The following NID2 variants were observed in gnomAD, a reference collection of about 807,000 sequenced individuals.
The protein encoded by NID2 is nidogen 2, also known as nidogen-2.
A neutral mutation model predicts 145.4 loss-of-function variants in NID2; 83 were observed. The ratio of observed to expected loss-of-function variants is 0.57; its 90% CI spans 0.48 to 0.69. NID2 has a LOEUF of 0.69. Ranked by LOEUF, NID2 falls within the 30% of genes least tolerant of loss-of-function variation. The probability of loss-of-function intolerance (pLI) is 0.00; values close to 1 mark genes in which losing one functional copy is unlikely to be tolerated. For missense variants in NID2, 1,807 were observed against 1,765.7 expected (o/e 1.02, Z -0.42); for synonymous variants, 739 against 701.3 (o/e 1.05, Z -0.85).
At position 52,038,871 on chromosome 14, in the gene NID2, G is replaced by A. The variant is rs17853446; in HGVS notation, c.2133C>T (p.His711=). ...TGGGGAAGGACGGGTGTCTGGGGGC[G>A]TGCCTGCACACCTGGTAAGTGATGT... ...HQNITYQVCR[H]APRHPSFPTT... The change falls in exon 9 of 22, where the codon CAC becomes CAT. Residue 711 remains histidine, a synonymous_variant. Transcript: ENST00000216286. 0.025 allele frequency: 40,298 copies of A among 1,614,022 alleles called. 968 individuals carry two copies. Among genetic ancestry groups the A allele is most frequent in the South Asian group, 0.097 (8,848 of 91,042 alleles).
intron 5 of NID2, among the ~76,000 whole-genome samples, chr14:52,052,252 C>T (rs918189106): frequency 6.6e-6 from 1 of 152,132 alleles, no homozygotes; most frequent in African/African-American, 2.4e-5. Flanking sequence ...AAATGTGGTC[C>T]CTTAGGCACA....
At chr14:52,026,021 T>C (rs1284859055) in intron 12 of NID2, among the ~76,000 whole-genome samples, 6 of 152,112 alleles carry the variant, frequency 3.9e-5, no homozygotes, top group African/African-American at 1.4e-4. Context: ...ACAGCACAAG[T>C]GGAAAGAGTA....
rs201188347 is a variant in NID2 at position 52,019,159 on chromosome 14, C to G, written c.2930G>C (p.Ser977Thr). ...GNFLPLQCHG[S>T]TGFCWCVDPD... ...GTCCACGCACCAGCAGAAACCAGTG[C>G]TGCCATGACACTGTAGGGGCAGGAA... Residue 977 changes from serine (S) to threonine (T), a missense_variant, in exon 14 of 22, where the codon AGC becomes ACC. By Grantham distance (58) the Ser-to-Thr change is moderately conservative (BLOSUM62 1). Transcript: ENST00000216286. 9.3e-6 allele frequency: 15 copies of G among 1,614,158 alleles called. No individual in the cohort carries two copies. The African/African-American group carries it at 2.0e-4, about 22-fold the overall frequency.
chr14:52,027,197 T>C lies in NID2; in HGVS notation c.2674+4A>G, dbSNP rs760968992. 9.4e-6 allele frequency: 14 copies of C among 1,492,844 alleles called. No homozygotes were observed. The highest frequency in any genetic ancestry group is 1.1e-5 in the Non-Finnish European group (12 of 1,117,972). The allele number at this position is 1,492,844 out of a possible 1,614,324, so 92.5% of individuals were successfully genotyped here. A position where few individuals can be genotyped will look rare whatever the true frequency, so the allele number is the denominator to read the frequency against. On this transcript the variant is annotated splice_donor_region_variant and intron_variant, in intron 12 of 21. Coordinates refer to ENST00000216286, the MANE Select transcript of NID2 (RefSeq NM_007361.4). Reference sequence around the variant, plus strand: ...GTCATTGAGGCTGACCTGCAGTTACTCACCAGTGCACTGGTGCCCATCGCC... The same window carrying C: ...GTCATTGAGGCTGACCTGCAGTTACCCACCAGTGCACTGGTGCCCATCGCC...
Position 52,060,223 on chromosome 14 carries a change from G to A in NID2, c.668C>T (p.Ala223Val). 6.2e-7 allele frequency: 1 copy of A among 1,614,076 alleles called. No homozygotes were observed. The highest frequency in any genetic ancestry group is 1.1e-5 in the South Asian group (1 of 91,070). ...ESYNVQLQLP[A>V]RVGFCRGEAD... ...CTCCCCTCGGCAGAAGCCCACCCGA[G>A]CTGGAAGCTGAAGCTGGACATTGTA... The change falls in exon 3 of 22, where the codon GCT (alanine) becomes GTT (valine). Residue 223 changes from alanine (A) to valine (V), a missense_variant. Transcript: ENST00000216286.
Position 52,035,812 on chromosome 14 carries a change from G to A in NID2, c.2257+2935C>T, listed in dbSNP as rs193051265. ...TCCTGTTTCAGCCTCCTGAGTAGCTGGGACTACAGACACATGCCACCACAC... is the reference window on the plus strand; with the variant it reads ...TCCTGTTTCAGCCTCCTGAGTAGCTAGGACTACAGACACATGCCACCACAC... On this transcript the variant is annotated intron_variant, in intron 9 of 21. Transcript: ENST00000216286. Among the ~76,000 whole-genome samples, 13 of 143,834 alleles carry A rather than the reference G, an allele frequency of 9.0e-5. No individual in the cohort carries two copies. In the Admixed American group the frequency reaches 9.2e-4, roughly 10 times the overall value. The allele number at this position is 143,834 out of a possible 152,430, so 94.4% of individuals were successfully genotyped here. A position where few individuals can be genotyped will look rare whatever the true frequency, so the allele number is the denominator to read the frequency against.
At chr14:52,047,783 G>T (rs936432436) in intron 5 of NID2, among the ~76,000 whole-genome samples, 1 of 152,140 alleles carries the variant, frequency 6.6e-6, no homozygotes, top group Admixed American at 6.5e-5. Context: ...TCTGACAACA[G>T]CATGAGGCAT....
At chr14:52,032,955 C>T (rs73286397) in intron 9 of NID2, among the ~76,000 whole-genome samples, 1 of 152,060 alleles carries the variant, frequency 6.6e-6, no homozygotes, top group East Asian at 1.9e-4. Flanking sequence ...TTTGCAATCC[C>T]CAGTGCAAAA....
rs1425455925 is a variant in NID2, at chr14:52,053,574, C to T, written c.1429+5G>A. ...CCTTAGCACCCAGTTTTCTAATGCACTCACCCTCGGTGTTGGAACCTATGT... is the reference window on the plus strand; with the variant it reads ...CCTTAGCACCCAGTTTTCTAATGCATTCACCCTCGGTGTTGGAACCTATGT... On this transcript the variant is annotated splice_donor_5th_base_variant and intron_variant, in intron 5 of 21. Transcript: ENST00000216286. The T allele has an allele frequency of 1.9e-6, 3 of 1,607,868 alleles. No individual in the cohort carries two copies. Among genetic ancestry groups the T allele is most frequent in the Non-Finnish European group, 2.6e-6 (3 of 1,175,976 alleles).
intron 9 of NID2, among the ~76,000 whole-genome samples, chr14:52,036,002 C>G (rs1337371444): frequency 6.6e-6 from 1 of 151,802 alleles, no homozygotes; most frequent in African/African-American, 2.4e-5. Flanking sequence ...AGCCAGTATG[C>G]CTGGCCTTCA....
Position 52,054,268 on chromosome 14 carries a change from G to T in NID2, c.821C>A (p.Ser274Tyr). 3.1e-6 allele frequency: 5 copies of T among 1,614,172 alleles called. No homozygotes were observed. The highest frequency in any genetic ancestry group is 4.2e-6 in the Non-Finnish European group (5 of 1,180,024). ...GVWAFHIGST[S>Y]PLDNVRPAAV... ...AGCTGGCCTGACATTGTCCAACGGG[G>T]AAGTGCTGCCGATATGGAAAGCCCA... Residue 274 changes from serine (S) to tyrosine (Y), a missense_variant, in exon 4 of 22, where the codon TCC (serine) becomes TAC (tyrosine). Transcript: ENST00000216286.
chr14:52,028,572 C>A, intron 11 of NID2, 150 bp downstream of exon 11: 1 of 865,336 alleles, frequency 1.2e-6, no homozygotes, highest in Non-Finnish European at 1.7e-6. Flanking sequence ...CCACATCCAG[C>A]CAGCTTTGGG....
rs758169329 is a variant in NID2 at position 52,029,559 on chromosome 14, G to A, written c.2389C>T (p.Arg797Trp). 1.1e-5 allele frequency: 18 copies of A among 1,612,780 alleles called. No individual in the cohort carries two copies. The highest frequency in any genetic ancestry group is 2.2e-5 in the East Asian group (1 of 44,876). ...ACATGGCTCTTACCCACACAGTTCC[G>A]TCCATCTCCCTGGTACCCAGATGCG... ...ECASGYQGDG[R>W]NCVDENECAT... Residue 797 changes from arginine (R) to tryptophan (W), a missense_variant, in exon 10 of 22, where the codon CGG becomes TGG. Physicochemically the swap from Arg to Trp is moderately radical, Grantham distance 101. Coordinates refer to ENST00000216286, the MANE Select transcript of NID2 (RefSeq NM_007361.4).
rs1234519933 is a variant in NID2 at position 52,042,945 on chromosome 14, C to T, written c.1430-14G>A. 7 of 1,613,776 alleles carry T rather than the reference C, an allele frequency of 4.3e-6. No homozygotes were observed. The highest frequency in any genetic ancestry group is 4.0e-5 in the African/African-American group (3 of 74,920). ...TATACGTGAAGACTGAAAAATAAAA[C>T]AAACTTGCCTTAAAAGGACTAAATG... On this transcript the variant is annotated splice_polypyrimidine_tract_variant and intron_variant, in intron 5 of 21. Transcript: ENST00000216286.
chr14:52,050,231 G>T (rs1423496405), intron 5 of NID2, among the ~76,000 whole-genome samples: 1 of 152,148 alleles, frequency 6.6e-6, no homozygotes. Flanking sequence ...ATGGTCCCAG[G>T]CAGCTGAAGC....
chr14:52,027,529 TA>T (rs1273223258), intron 11 of NID2, among the ~76,000 whole-genome samples, 185 bp from the exon 12 acceptor site: 1 of 151,982 alleles, frequency 6.6e-6, no homozygotes, highest in Non-Finnish European at 1.5e-5. Context: ...TGTATGCTAT[TA>T]AAGTTCAAGT....
At chr14:52,049,739 G>A (rs1290417197) in intron 5 of NID2, among the ~76,000 whole-genome samples, 1 of 152,198 alleles carries the variant, frequency 6.6e-6, no homozygotes, top group Non-Finnish European at 1.5e-5. Context: ...TGTGTGGCAT[G>A]TAATGATGCT....
At chr14:52,048,209 C>T (rs927942015) in intron 5 of NID2, among the ~76,000 whole-genome samples, 7 of 152,194 alleles carry the variant, frequency 4.6e-5, no homozygotes, top group Non-Finnish European at 8.8e-5. Flanking sequence ...TCAGTGCTTA[C>T]GGCCCATTTG....
intron 7 of NID2, 33 bp downstream of exon 7, chr14:52,042,072 C>A (rs769589777): frequency 6.5e-7 from 1 of 1,545,178 alleles, no homozygotes; most frequent in South Asian, 1.3e-5. Flanking sequence ...CAAAGCAATG[C>A]TGACTACCGG....
Sources: allele counts gnomAD v4.1 joint callset (sites outside exome capture counted in the v4.1 genomes callset), GRCh38; gene constraint gnomAD v4.1.1; transcripts MANE v1.5; gene names NCBI Gene and HGNC (gene_info 2026-07-23, HGNC 2026-07-21).